USP42: variants seen among roughly 807,000 people sequenced by gnomAD.
USP42 encodes ubiquitin specific peptidase 42, also known as ubiquitin carboxyl-terminal hydrolase 42.
In USP42, 23 loss-of-function variants were observed where a neutral mutation model predicts 113.0. The ratio of observed to expected loss-of-function variants is 0.20; its 90% CI spans 0.15 to 0.29. The LOEUF is 0.29. Among genes scored for constraint, USP42 ranks in the 10% least tolerant of loss-of-function variants. The pLI is 1.00. For missense variants in USP42, 2,174 were observed against 1,779.8 expected, an observed-to-expected ratio of 1.22 and a Z score of -3.99; for synonymous variants, 933 against 699.0, an observed-to-expected ratio of 1.33 and a Z score of -5.28.
chr7:6,121,064 A>G (rs1156267901), intron 3 of USP42, among the ~76,000 whole-genome samples: 2 of 152,002 alleles, frequency 1.3e-5, no homozygotes, highest in African/African-American at 4.8e-5. Flanking sequence ...AAGATTTTAT[A>G]GACGCAACTA....
chr7:6,097,386 CTTTTTTTTTTT>C, the USP42 span, among the ~76,000 whole-genome samples: 2 of 108,446 alleles, frequency 1.8e-5, no homozygotes, highest in African/African-American at 3.7e-5. Context: ...CCTGTGGGTC[CTTTTTTTTTTT>C]TTTTTTTTTT....
chr7:6,134,003 G>A (rs946281490), intron 3 of USP42, among the ~76,000 whole-genome samples: 1 of 149,510 alleles, frequency 6.7e-6, no homozygotes, highest in Admixed American at 6.8e-5. Flanking sequence ...CCATTCTCTT[G>A]CCTCAGCCTC....
chr7:6,147,713 C>G, intron 11 of USP42, 26 bp from the exon 12 acceptor site: 1 of 1,553,524 alleles, frequency 6.4e-7, no homozygotes, highest in Non-Finnish European at 8.8e-7. Context: ...CTGTGTCACC[C>G]TAAGTATCGC....
At chr7:6,140,416 C>T (rs1781371007) in intron 6 of USP42, among the ~76,000 whole-genome samples, 1 of 152,194 alleles carries the variant, frequency 6.6e-6, no homozygotes, top group Non-Finnish European at 1.5e-5. Flanking sequence ...GTGTGCACTG[C>T]TTCCATTTGT....
intron 3 of USP42, among the ~76,000 whole-genome samples, chr7:6,122,717 G>A (rs930817112): frequency 6.6e-6 from 1 of 151,968 alleles, no homozygotes; most frequent in East Asian, 1.9e-4. Context: ...TGATCCACCC[G>A]CCTCAGCCTC....
intron 7 of USP42, 43 bp from the exon 8 acceptor site, chr7:6,142,889 A>C (rs1331535939): frequency 6.3e-7 from 1 of 1,597,538 alleles, no homozygotes; most frequent in African/African-American, 1.3e-5. Flanking sequence ...AACACAAGTG[A>C]CGGTGTGCGG....
the USP42 span, among the ~76,000 whole-genome samples, chr7:6,099,763 G>A: frequency 6.6e-6 from 1 of 150,690 alleles, no homozygotes; most frequent in Non-Finnish European, 1.5e-5. Flanking sequence ...AGGATTTCAA[G>A]AGCAGCCTTG....
At chr7:6,081,934 G>C in the USP42 span, 1 of 152,092 alleles carries the variant, frequency 6.6e-6, no homozygotes, top group Admixed American at 6.6e-5. Flanking sequence ...ACCTGTATAT[G>C]CAAGTTGCAG....
At position 6,149,771 on chromosome 7, in the gene USP42, T is replaced by C; in HGVS notation, c.1575T>C (p.Ser525=). The C allele has an allele frequency of 6.2e-7, 1 of 1,613,968 alleles. No individual in the cohort carries two copies. The highest frequency in any genetic ancestry group is 1.3e-5 in the African/African-American group (1 of 75,034). ...EHPKKQKITI[S]IHNKLPVRQC... Reference sequence around the variant, plus strand: ...CTAAGAAACAAAAAATTACAATCAGTATTCACAACAAGTTGCCTGTTCGCC... The same window carrying C: ...CTAAGAAACAAAAAATTACAATCAGCATTCACAACAAGTTGCCTGTTCGCC... The change falls in exon 13 of 18, where the codon AGT becomes AGC. Residue 525 remains serine (S), a synonymous_variant. Transcript: ENST00000306177.
intron 4 of USP42, among the ~76,000 whole-genome samples, chr7:6,138,533 A>G (rs1183761212): frequency 2.6e-5 from 4 of 152,118 alleles, no homozygotes; most frequent in South Asian, 2.1e-4. Flanking sequence ...CTCTGTAGCT[A>G]CTCTCTAGAC....
Position 6,153,847 on chromosome 7 carries a change from G to A in USP42, c.2293G>A (p.Ala765Thr), listed in dbSNP as rs1453634757. The A allele has an allele frequency of 6.5e-7, 1 of 1,546,866 alleles. No homozygotes were observed. Among genetic ancestry groups the A allele is most frequent in the Non-Finnish European group, 8.7e-7 (1 of 1,146,204 alleles). Residue 765 changes from alanine (A) to threonine (T), a missense_variant, in exon 15 of 18, where the codon GCG (alanine) becomes ACG (threonine). Physicochemically the swap from Ala to Thr is moderately conservative, Grantham distance 58 (BLOSUM62 0). Transcript: ENST00000306177. The stretch of plus-strand genomic sequence containing the variant: ...CGCCGAATCCCTGGAGGAGCCAGAT[G>A]CGGCCGCCGGCCTCAGCAGCACCAA... Reference protein sequence around the residue: ...PAAESLEEPDAAAGLSSTKKA... With the variant: ...PAAESLEEPDTAAGLSSTKKA...
chr7:6,154,959 C>T lies in USP42; in HGVS notation c.3405C>T (p.Asp1135=), dbSNP rs1305391721. Residue 1135 remains aspartate (D), a synonymous_variant, in exon 15 of 18, where the codon GAC becomes GAT. Transcript: ENST00000306177. ...CGCACCCCGACCGCTTCTCCCACGA[C>T]AGAACTGCACTTGTAGCCGGAGACA... ...LAPHPDRFSH[D]RTALVAGDNC... 6.4e-7 allele frequency: 1 copy of T among 1,558,496 alleles called. No individual in the cohort carries two copies. Among genetic ancestry groups the T allele is most frequent in the South Asian group, 1.2e-5 (1 of 84,498 alleles).
the USP42 span, chr7:6,081,620 A>C: frequency 6.6e-6 from 1 of 152,108 alleles, no homozygotes; most frequent in Admixed American, 6.5e-5. Flanking sequence ...GCGGGGCAGG[A>C]GGGGCGGCTA....
intron 3 of USP42, among the ~76,000 whole-genome samples, chr7:6,126,348 G>A (rs928416254): frequency 8.0e-5 from 12 of 150,810 alleles, no homozygotes; most frequent in Middle Eastern, 3.2e-3. Context: ...GCAGTGGCAC[G>A]ATCTCAGCTC....
chr7:6,152,042 A>AT (rs552980217), intron 14 of USP42, among the ~76,000 whole-genome samples: 1 of 152,232 alleles, frequency 6.6e-6, no homozygotes. Context: ...TAAAAAAAAA[A>AT]TCATGTCATG....
rs746398286 is a variant in USP42 at position 6,154,126 on chromosome 7, G to T, written c.2572G>T (p.Ala858Ser). The T allele has an allele frequency of 7.5e-6, 12 of 1,599,736 alleles. No homozygotes were observed. Among genetic ancestry groups the T allele is most frequent in the Non-Finnish European group, 9.4e-6 (11 of 1,175,158 alleles). Reference protein sequence around the residue: ...LAEAPEGLSPAPPARSEEPCE... With the variant: ...LAEAPEGLSPSPPARSEEPCE... ...GGAAGCCCCGGAAGGGTTGAGTCCG[G>T]CTCCGCCTGCGCGGTCGGAGGAGCC... The change falls in exon 15 of 18, where the codon GCT becomes TCT. Residue 858 changes from alanine to serine, a missense_variant. Ala to Ser is a moderately conservative substitution (Grantham distance 99). Transcript: ENST00000306177.
In USP42 at chr7:6,157,945, C is replaced by T. The variant is rs995935491; in HGVS notation, c.3943+890C>T. Reference sequence around the variant, plus strand: ...TCCTCTCCCGTTGGTGTCCGGTGACCGCTCACCCTCGAGAGGAGCTGTGAG... The same window carrying T: ...TCCTCTCCCGTTGGTGTCCGGTGACTGCTCACCCTCGAGAGGAGCTGTGAG... On this transcript the variant is annotated intron_variant, in intron 16 of 17. Coordinates refer to ENST00000306177, the MANE Select transcript of USP42 (RefSeq NM_032172.3). The surrounding 1 kb of genome is among the most constrained non-coding windows in gnomAD (Gnocchi z 4.1). 6.6e-6 allele frequency among the ~76,000 whole-genome samples: 1 copy of T among 152,174 alleles called. No homozygotes were observed. Among genetic ancestry groups the T allele is most frequent in the Non-Finnish European group, 1.5e-5 (1 of 68,028 alleles).
chr7:6,094,422 C>T, the USP42 span, among the ~76,000 whole-genome samples: 2 of 151,074 alleles, frequency 1.3e-5, no homozygotes, highest in Admixed American at 6.6e-5. Flanking sequence ...CTTCCTTCCT[C>T]GGCCTCCTAA....
Position 6,150,318 on chromosome 7 carries a change from G to T in USP42, c.2106+16G>T. On this transcript the variant is annotated intron_variant, in intron 13 of 17. Transcript: ENST00000306177. ...TCCTGGAAAGGTGAGTGCACGTCAG[G>T]GTCTTCAGCCTCGTTTGTGGCGGTT... The T allele has an allele frequency of 6.2e-7, 1 of 1,611,808 alleles. No homozygotes were observed. Among genetic ancestry groups the T allele is most frequent in the African/African-American group, 1.3e-5 (1 of 74,962 alleles).
Sources: allele counts gnomAD v4.1 joint callset (sites outside exome capture counted in the v4.1 genomes callset), GRCh38; gene constraint gnomAD v4.1.1; non-coding constraint Gnocchi (gnomAD v3.1); transcripts MANE v1.5; gene names NCBI Gene and HGNC (gene_info 2026-07-23, HGNC 2026-07-21).